Variants in LHFPL1 observed in about 807,000 individuals in gnomAD.
The protein encoded by LHFPL1 is LHFPL tetraspan subfamily member 1 protein.
LHFPL1 carries 4 observed loss-of-function variants against 12.1 expected under a neutral mutation model. The ratio of observed to expected loss-of-function variants is 0.33; its 90% CI spans 0.16 to 0.76. The LOEUF (loss-of-function observed/expected upper bound fraction) is 0.76. Among genes scored for constraint, LHFPL1 ranks in the 30% least tolerant of loss-of-function variants. The probability of loss-of-function intolerance (pLI) is 0.61; values close to 1 mark genes in which losing one functional copy is unlikely to be tolerated. For synonymous variants in LHFPL1, 52 were observed against 61.9 expected (o/e 0.84, Z 0.75); for missense variants, 141 against 174.1 (o/e 0.81, Z 1.07).
chrX:112,643,694 A>AT (rs1259108580), intron 3 of LHFPL1, among the ~76,000 whole-genome samples: 1 of 111,715 alleles, frequency 9.0e-6, no homozygotes, highest in African/African-American at 3.3e-5. Flanking sequence ...GAGTCAAACC[A>AT]TATCAGTAGG....
intron 2 of LHFPL1, among the ~76,000 whole-genome samples, chrX:112,669,676 G>T (rs145601124): frequency 0.011 from 1,190 of 112,002 alleles, 8 homozygotes; most frequent in African/African-American, 0.037. Context: ...TGACATTTTG[G>T]CTGGATACCT....
At chrX:112,656,702 T>C (rs1328247426) in intron 3 of LHFPL1, among the ~76,000 whole-genome samples, 1 of 112,599 alleles carries the variant, frequency 8.9e-6, no homozygotes, top group Non-Finnish European at 1.9e-5. Flanking sequence ...CAAAAATCAT[T>C]TGTACATATA....
At chrX:112,658,921 A>C (rs1485951426) in intron 3 of LHFPL1, among the ~76,000 whole-genome samples, 1 of 112,326 alleles carries the variant, frequency 8.9e-6, no homozygotes, top group Admixed American at 9.4e-5. Context: ...TTACATTTAT[A>C]CCATGGAATA....
At chrX:112,643,245 G>A (rs111406409) in intron 3 of LHFPL1, among the ~76,000 whole-genome samples, 6,269 of 107,963 alleles carry the variant, frequency 0.058, 183 homozygotes, top group Middle Eastern at 0.12. Context: ...CGGGCGTGGT[G>A]GTGCATGCCT....
chrX:112,634,866 G>A (rs755065426), intron 3 of LHFPL1, among the ~76,000 whole-genome samples: 1 of 111,883 alleles, frequency 8.9e-6, no homozygotes, highest in East Asian at 2.8e-4. Flanking sequence ...GGAAACTAAG[G>A]AGAAAGAGGG....
At chrX:112,654,039 T>G (rs1315622628) in intron 3 of LHFPL1, among the ~76,000 whole-genome samples, 1 of 112,031 alleles carries the variant, frequency 8.9e-6, no homozygotes, top group Non-Finnish European at 1.9e-5. Flanking sequence ...TGGAGAATAA[T>G]TTAGTACAGT....
chrX:112,679,242 T>C (rs1403987212), intron 1 of LHFPL1, among the ~76,000 whole-genome samples: 2 of 111,905 alleles, frequency 1.8e-5, no homozygotes, highest in African/African-American at 3.3e-5. Context: ...AATGGATTTA[T>C]AGTTTAAGTA....
At chrX:112,637,365 A>G (rs1018950837) in intron 3 of LHFPL1, among the ~76,000 whole-genome samples, 2 of 111,947 alleles carry the variant, frequency 1.8e-5, no homozygotes, top group Non-Finnish European at 3.8e-5. Flanking sequence ...CCGCAGTCCT[A>G]TGCCCTTCAG....
chrX:112,667,020 G>A (rs776437559), intron 2 of LHFPL1, among the ~76,000 whole-genome samples: 16 of 111,847 alleles, frequency 1.4e-4, no homozygotes, highest in African/African-American at 4.5e-4. Flanking sequence ...TTCCCAAACA[G>A]AAAATCGCTT....
intron 3 of LHFPL1, among the ~76,000 whole-genome samples, chrX:112,653,736 A>T (rs1930919205): frequency 8.9e-6 from 1 of 112,224 alleles, no homozygotes; most frequent in South Asian, 3.7e-4. Flanking sequence ...ACCAAGGCAA[A>T]TCTCAGGAAC....
At chrX:112,676,018 A>G (rs1199075546) in intron 1 of LHFPL1, among the ~76,000 whole-genome samples, 5 of 112,063 alleles carry the variant, frequency 4.5e-5, no homozygotes, top group Non-Finnish European at 9.4e-5. Context: ...TCTCAGCCCA[A>G]CTTCCCTTGT....
rs1455840997 is a variant in LHFPL1 at position 112,671,120 on chromosome X, C to T, written c.271G>A (p.Gly91Ser). The change falls in exon 2 of 4, where the codon GGC (glycine) becomes AGC (serine). Residue 91 changes from glycine (G) to serine (S), a missense_variant. Physicochemically the swap from Gly to Ser is moderately conservative, Grantham distance 56. Coordinates refer to ENST00000371968, the MANE Select transcript of LHFPL1 (RefSeq NM_178175.4). ...WQMCTVVTGAGCALLLLVALA... is the reference protein window; with the variant it reads ...WQMCTVVTGASCALLLLVALA... Reference sequence around the variant, plus strand: ...GCCACCAGGAGCAGCAGAGCACAGCCGGCACCTGTCACCACTGTGCACATC... The same window carrying T: ...GCCACCAGGAGCAGCAGAGCACAGCTGGCACCTGTCACCACTGTGCACATC... 1.7e-6 allele frequency: 2 copies of T among 1,212,027 alleles called. No homozygotes were observed. The highest frequency in any genetic ancestry group is 5.9e-5 in the East Asian group (2 of 33,855).
intron 3 of LHFPL1, among the ~76,000 whole-genome samples, chrX:112,653,565 T>A (rs1259613629): frequency 8.9e-6 from 1 of 112,488 alleles, no homozygotes; most frequent in Non-Finnish European, 1.9e-5. Flanking sequence ...TCTCCTATTC[T>A]CTGCTCCCTC....
At chrX:112,678,339 T>C (rs1931711189) in intron 1 of LHFPL1, among the ~76,000 whole-genome samples, 1 of 111,780 alleles carries the variant, frequency 8.9e-6, no homozygotes, top group Admixed American at 9.5e-5. Context: ...CAATGAGAGA[T>C]CTTCATCTCA....
intron 3 of LHFPL1, among the ~76,000 whole-genome samples, chrX:112,651,681 C>T (rs1229539576): frequency 1.8e-5 from 2 of 111,850 alleles, no homozygotes; most frequent in Non-Finnish European, 3.8e-5. Context: ...AAACAGCCTA[C>T]TTTCCCCAGC....
At chrX:112,665,167 T>G (rs1196407266) in intron 2 of LHFPL1, among the ~76,000 whole-genome samples, 1 of 109,651 alleles carries the variant, frequency 9.1e-6, no homozygotes, top group Non-Finnish European at 1.9e-5. Flanking sequence ...CATATGCCCC[T>G]TGAAGAAGTC....
chrX:112,637,382 G>A (rs965488266), intron 3 of LHFPL1, among the ~76,000 whole-genome samples: 1 of 111,859 alleles, frequency 8.9e-6, no homozygotes, highest in African/African-American at 3.3e-5. Context: ...TCAGGGTTGT[G>A]GTGTCTGGCT....
intron 3 of LHFPL1, among the ~76,000 whole-genome samples, chrX:112,654,718 G>A (rs902478921): frequency 9.0e-6 from 1 of 110,777 alleles, no homozygotes; most frequent in African/African-American, 3.3e-5. Flanking sequence ...TATATGTATT[G>A]TTTTATTTTG....
intron 3 of LHFPL1, among the ~76,000 whole-genome samples, chrX:112,646,330 T>C (rs1432117587): frequency 9.6e-5 from 7 of 72,750 alleles, no homozygotes; most frequent in Non-Finnish European, 1.5e-4. Flanking sequence ...AGGAAGGAGG[T>C]CAAACTTTCC....
Sources: gnomAD v4.1 joint callset for allele counts (sites outside exome capture counted in the v4.1 genomes callset) on GRCh38, gnomAD v4.1.1 for gene constraint, MANE v1.5 for transcripts, NCBI Gene and HGNC (gene_info 2026-07-23, HGNC 2026-07-21) for gene names.